SHANK2: variants seen among roughly 807,000 people sequenced by gnomAD.
SHANK2 encodes the protein SH3 and multiple ankyrin repeat domains protein 2.
A neutral mutation model predicts 133.7 loss-of-function variants in SHANK2; 43 were observed. That is an observed-to-expected ratio of 0.32 (90% CI 0.25 to 0.41). SHANK2 has a LOEUF of 0.41. Ranked by LOEUF, SHANK2 falls within the 10% of genes least tolerant of loss-of-function variation. SHANK2 has a pLI of 1.00. For missense variants in SHANK2, 1,994 were observed against 2,235.8 expected, an observed-to-expected ratio of 0.89 and a Z score of 2.18; for synonymous variants, 1,017 against 952.8, an observed-to-expected ratio of 1.07 and a Z score of -1.24.
At chr11:70,582,635 C>T (rs2060198682) in intron 17 of SHANK2, among the ~76,000 whole-genome samples, 1 of 152,192 alleles carries the variant, frequency 6.6e-6, no homozygotes, top group Non-Finnish European at 1.5e-5. Context: ...TGGTGGGCAC[C>T]CAGTCGGGTG....
At chr11:70,513,885 A>C (rs2059235285) in intron 17 of SHANK2, among the ~76,000 whole-genome samples, 1 of 152,172 alleles carries the variant, frequency 6.6e-6, no homozygotes, top group Admixed American at 6.5e-5. Flanking sequence ...GTCTAACATA[A>C]CGTGAACGAG....
At chr11:70,527,552 CCAG>C (rs2059414415) in intron 17 of SHANK2, among the ~76,000 whole-genome samples, 1 of 152,232 alleles carries the variant, frequency 6.6e-6, no homozygotes, top group African/African-American at 2.4e-5. Context: ...TAAATGGCCT[CCAG>C]CAGCCTGGAG....
At chr11:70,871,875 A>G (rs1202425377) in intron 11 of SHANK2, among the ~76,000 whole-genome samples, 1 of 152,208 alleles carries the variant, frequency 6.6e-6, no homozygotes, top group Non-Finnish European at 1.5e-5. Context: ...GGCAAGACGC[A>G]TCCCATCCTC....
At chr11:71,172,101 A>T (rs1040547706) in intron 2 of SHANK2, among the ~76,000 whole-genome samples, 3 of 152,202 alleles carry the variant, frequency 2.0e-5, no homozygotes, top group Non-Finnish European at 2.9e-5. Flanking sequence ...CATCCGTGGC[A>T]CACTGACCAT....
rs2135661121 is a variant in SHANK2 at position 70,472,838 on chromosome 11, G to C, written c.*31C>G. 1 of 1,600,162 alleles carries C rather than the reference G, an allele frequency of 6.2e-7. No homozygotes were observed. The highest frequency in any genetic ancestry group is 1.3e-5 in the African/African-American group (1 of 74,740). ...ACGAGCCCATCTCTACTTATAACAAGAGCAGTCTGCGAGGTGGAGAGCAGC... is the reference window on the plus strand; with the variant it reads ...ACGAGCCCATCTCTACTTATAACAACAGCAGTCTGCGAGGTGGAGAGCAGC... On this transcript the variant is annotated 3_prime_UTR_variant, in exon 26 of 26. Coordinates refer to ENST00000601538, the MANE Select transcript of SHANK2 (RefSeq NM_012309.5). The surrounding 1 kb of genome is among the most constrained non-coding windows in gnomAD (Gnocchi z 4.4).
chr11:70,713,030 C>T (rs1473684543), intron 14 of SHANK2, among the ~76,000 whole-genome samples: 3 of 152,358 alleles, frequency 2.0e-5, no homozygotes, highest in South Asian at 2.1e-4. Flanking sequence ...ACCCCAGCAG[C>T]GAGGTGCAGG....
At chr11:70,898,722 G>A (rs532559914) in intron 10 of SHANK2, among the ~76,000 whole-genome samples, 26 of 152,280 alleles carry the variant, frequency 1.7e-4, no homozygotes, top group African/African-American at 6.0e-4. Context: ...ATCGAAGAAG[G>A]AATTGTTAAG....
At chr11:70,852,217 T>C (rs1949097045) in intron 11 of SHANK2, among the ~76,000 whole-genome samples, 1 of 152,166 alleles carries the variant, frequency 6.6e-6, no homozygotes, top group East Asian at 1.9e-4. Context: ...TTCCAAAGCA[T>C]TTGCACAGTG....
rs1031630552 is a variant in SHANK2 at position 70,472,539 on chromosome 11, C to T, written c.*330G>A. On this transcript the variant is annotated 3_prime_UTR_variant, in exon 26 of 26. Transcript: ENST00000601538. The surrounding 1 kb of genome is among the most constrained non-coding windows in gnomAD (Gnocchi z 4.4). Reference sequence around the variant, plus strand: ...TGTCTGCCTACAAGAGCTAGGATCCCGTGCAAAATTGACGGGGAGCCTCTC... The same window carrying T: ...TGTCTGCCTACAAGAGCTAGGATCCTGTGCAAAATTGACGGGGAGCCTCTC... The T allele has an allele frequency of 1.8e-5, 7 of 396,990 alleles. No homozygotes were observed. The highest frequency in any genetic ancestry group is 1.3e-4 in the South Asian group (6 of 45,604). The allele number at this position is 396,990 out of a possible 1,614,324, so 24.6% of individuals were successfully genotyped here.
At position 70,561,164 on chromosome 11, in the gene SHANK2, AT is replaced by A. The variant is rs1243774457; in HGVS notation, c.2062-58234del. Among the ~76,000 whole-genome samples the A allele has an allele frequency of 1.1e-4, 16 of 150,852 alleles. 1 individual carries two copies. The East Asian group carries it at 2.8e-3, about 26-fold the overall frequency. On this transcript the variant is annotated intron_variant, in intron 17 of 25. Coordinates refer to ENST00000601538, the MANE Select transcript of SHANK2 (RefSeq NM_012309.5). ...TGGATCAGCCTGGCTAGAGGTTTCTATTTTTTTGAGACATGGTCTCACTCCG... is the reference window on the plus strand; with the variant it reads ...TGGATCAGCCTGGCTAGAGGTTTCTATTTTTTGAGACATGGTCTCACTCCG...
chr11:70,506,644 G>A (rs2059141004), intron 17 of SHANK2, among the ~76,000 whole-genome samples: 1 of 152,194 alleles, frequency 6.6e-6, no homozygotes, highest in Admixed American at 6.5e-5. Context: ...CTTTGGACGA[G>A]CTTCCCTGCA....
chr11:71,067,842 CCAA>C (rs1454347039), intron 9 of SHANK2, among the ~76,000 whole-genome samples: 35,850 of 151,346 alleles, frequency 0.24, 4,757 homozygotes, highest in Non-Finnish European at 0.28. Flanking sequence ...CCATCGCTCA[CCAA>C]CAATATGACC....
intron 8 of SHANK2, among the ~76,000 whole-genome samples, chr11:71,082,004 G>A (rs1951307244): frequency 6.6e-6 from 1 of 152,180 alleles, no homozygotes; most frequent in African/African-American, 2.4e-5. Context: ...CCACAGTGAG[G>A]CTCGGTCCCA....
At chr11:70,898,582 T>A (rs1362180807) in intron 10 of SHANK2, among the ~76,000 whole-genome samples, 6 of 152,200 alleles carry the variant, frequency 3.9e-5, no homozygotes, top group Non-Finnish European at 8.8e-5. Flanking sequence ...TGTTCTAGTA[T>A]TTTTGTGGAA....
chr11:70,736,254 T>C (rs1946401341), intron 14 of SHANK2, among the ~76,000 whole-genome samples: 1 of 152,126 alleles, frequency 6.6e-6, no homozygotes, highest in Admixed American at 6.5e-5. Flanking sequence ...ATAGTTACAG[T>C]GTGCCCCTCT....
At chr11:71,121,837 A>G (rs1487624032) in intron 3 of SHANK2, among the ~76,000 whole-genome samples, 1 of 152,258 alleles carries the variant, frequency 6.6e-6, no homozygotes, top group African/African-American at 2.4e-5. Context: ...TGGGCAAAGG[A>G]TATGAACAGA....
At chr11:71,139,636 T>A (rs376788734) in intron 3 of SHANK2, among the ~76,000 whole-genome samples, 1 of 152,232 alleles carries the variant, frequency 6.6e-6, no homozygotes, top group Non-Finnish European at 1.5e-5. Context: ...TTTTGGCACA[T>A]GCCACTTGTT....
chr11:70,718,697 T>G (rs1946006987), intron 14 of SHANK2, among the ~76,000 whole-genome samples: 1 of 128,306 alleles, frequency 7.8e-6, no homozygotes. Context: ...TAGAGCTCAT[T>G]CTCTTTTTTT....
intron 9 of SHANK2, among the ~76,000 whole-genome samples, chr11:71,073,039 C>A (rs1033574982): frequency 0.94 from 142,432 of 151,960 alleles, 67,243 homozygotes; most frequent in Non-Finnish European, 1. Flanking sequence ...TTAAAATGGC[C>A]TAAATTTTGT....
Sources: gnomAD v4.1 joint callset for allele counts (sites outside exome capture counted in the v4.1 genomes callset) on GRCh38, gnomAD v4.1.1 for gene constraint, Gnocchi (gnomAD v3.1) non-coding constraint, MANE v1.5 for transcripts, NCBI Gene and HGNC (gene_info 2026-07-23, HGNC 2026-07-21) for gene names.